Variants in PKNOX2 observed in about 807,000 individuals in gnomAD.
The protein encoded by PKNOX2 is homeobox protein PKNOX2.
Under a neutral mutation model 53.1 loss-of-function variants are expected in PKNOX2, and 14 were observed. The ratio of observed to expected loss-of-function variants is 0.26; its 90% CI spans 0.17 to 0.41. PKNOX2 has a LOEUF of 0.41. Ranked by LOEUF, PKNOX2 falls within the 10% of genes least tolerant of loss-of-function variation. The pLI is 1.00. For synonymous variants in PKNOX2, 257 were observed against 242.8 expected (o/e 1.06, Z -0.54); for missense variants, 496 against 602.8 (o/e 0.82, Z 1.85).
At chr11:125,204,768 C>T (rs961634469) in intron 1 of PKNOX2, among the ~76,000 whole-genome samples, 6 of 152,172 alleles carry the variant, frequency 3.9e-5, no homozygotes, top group Non-Finnish European at 5.9e-5. Context: ...CCTTTTCTCC[C>T]GCTGTGATCC....
At chr11:125,255,391 G>A (rs766561378) in intron 2 of PKNOX2, among the ~76,000 whole-genome samples, 2 of 152,158 alleles carry the variant, frequency 1.3e-5, no homozygotes, top group African/African-American at 2.4e-5. Context: ...GCCCACCCCC[G>A]GGATGAGACT....
At chr11:125,315,390 G>T (rs1398770889) in intron 2 of PKNOX2, among the ~76,000 whole-genome samples, 1 of 151,588 alleles carries the variant, frequency 6.6e-6, no homozygotes, top group East Asian at 1.9e-4. Context: ...CTGGTGGGCG[G>T]CTCTGCCTCC....
At chr11:125,428,450 G>T in intron 10 of PKNOX2, among the ~76,000 whole-genome samples, 1 of 152,252 alleles carries the variant, frequency 6.6e-6, no homozygotes, top group South Asian at 2.1e-4. Flanking sequence ...TAAATAAAAT[G>T]ATGATTTTTT....
intron 1 of PKNOX2, among the ~76,000 whole-genome samples, chr11:125,199,434 A>G (rs1421889354): frequency 6.6e-6 from 1 of 152,216 alleles, no homozygotes; most frequent in Non-Finnish European, 1.5e-5. Flanking sequence ...CTAATTAAAT[A>G]TATTATCCAT....
intron 2 of PKNOX2, among the ~76,000 whole-genome samples, chr11:125,312,485 C>T (rs578039982): frequency 6.6e-6 from 1 of 152,272 alleles, no homozygotes; most frequent in Admixed American, 6.5e-5. Context: ...CCTGCTGTGC[C>T]CCAGGAGAGC....
chr11:125,206,042 G>A (rs1400263022), intron 1 of PKNOX2, among the ~76,000 whole-genome samples: 3 of 151,950 alleles, frequency 2.0e-5, no homozygotes, highest in Admixed American at 2.0e-4. Context: ...TGAAATGACC[G>A]GGGCCTTGGT....
At chr11:125,303,406 T>C (rs1287900866) in intron 2 of PKNOX2, among the ~76,000 whole-genome samples, 1 of 151,980 alleles carries the variant, frequency 6.6e-6, no homozygotes, top group African/African-American at 2.4e-5. Context: ...TCCAAGCTTC[T>C]GGTCACAGCC....
intron 2 of PKNOX2, among the ~76,000 whole-genome samples, chr11:125,324,103 T>C (rs963046018): frequency 6.6e-6 from 1 of 152,100 alleles, no homozygotes; most frequent in Admixed American, 6.6e-5. Flanking sequence ...CACCAAATGA[T>C]GAGAAGAAGA....
At chr11:125,197,789 G>A (rs912276691) in intron 1 of PKNOX2, among the ~76,000 whole-genome samples, 2 of 152,172 alleles carry the variant, frequency 1.3e-5, no homozygotes, top group African/African-American at 2.4e-5. Flanking sequence ...CAGAGCTGGT[G>A]GGACTCCTGG....
intron 5 of PKNOX2, among the ~76,000 whole-genome samples, chr11:125,373,532 G>A (rs1388836869): frequency 6.6e-6 from 1 of 152,240 alleles, no homozygotes; most frequent in Non-Finnish European, 1.5e-5. Flanking sequence ...CACAGGTAAT[G>A]TGCTTGGTAA....
intron 2 of PKNOX2, among the ~76,000 whole-genome samples, chr11:125,277,391 T>G (rs1390868407): frequency 6.6e-6 from 1 of 152,148 alleles, no homozygotes; most frequent in Admixed American, 6.5e-5. Context: ...GCAACCCAAA[T>G]GCTAAAATCA....
chr11:125,287,431 G>C (rs936152100), intron 2 of PKNOX2, among the ~76,000 whole-genome samples: 12 of 152,210 alleles, frequency 7.9e-5, no homozygotes, highest in African/African-American at 2.9e-4. Flanking sequence ...CTGCAACCTG[G>C]GGAAAGGGCG....
At chr11:125,326,380 G>T (rs544588984) in intron 2 of PKNOX2, among the ~76,000 whole-genome samples, 1 of 152,320 alleles carries the variant, frequency 6.6e-6, no homozygotes, top group South Asian at 2.1e-4. Flanking sequence ...CTGTGAGGCA[G>T]TGGCAGCCTG....
chr11:125,262,132 C>T (rs531130750), intron 2 of PKNOX2, among the ~76,000 whole-genome samples: 1 of 152,298 alleles, frequency 6.6e-6, no homozygotes, highest in Non-Finnish European at 1.5e-5. Flanking sequence ...CCCACCTGCT[C>T]ACAAGACGCC....
intron 1 of PKNOX2, among the ~76,000 whole-genome samples, chr11:125,217,753 G>A (rs1047619661): frequency 1.3e-5 from 2 of 152,174 alleles, no homozygotes; most frequent in Non-Finnish European, 2.9e-5. Context: ...GAGCCTAGGA[G>A]GGGGAATATT....
rs1446216670 is a variant in PKNOX2 at position 125,240,767 on chromosome 11, C to T, written c.-130+5652C>T. On this transcript the variant is annotated intron_variant, in intron 2 of 12. Transcript: ENST00000298282. This position sits in a 1 kb window ranked among gnomAD's most constrained non-coding sequence, Gnocchi z 4.3. The stretch of plus-strand genomic sequence containing the variant: ...CTGAAGGGTTTCCAAGTGCTGCTCC[C>T]AGTATCCTTGGCTGTGGGGGGACTA... Among the ~76,000 whole-genome samples, 4 of 152,330 alleles carry T rather than the reference C, an allele frequency of 2.6e-5. No individual in the cohort carries two copies. Among genetic ancestry groups the T allele is most frequent in the African/African-American group, 9.6e-5 (4 of 41,574 alleles).
chr11:125,296,756 C>T (rs1284199277), intron 2 of PKNOX2, among the ~76,000 whole-genome samples: 1 of 152,180 alleles, frequency 6.6e-6, no homozygotes, highest in South Asian at 2.1e-4. Flanking sequence ...CTGCTTCAGC[C>T]TCCCAAGTAG....
chr11:125,263,902 G>A (rs1945091836), intron 2 of PKNOX2, among the ~76,000 whole-genome samples: 1 of 152,218 alleles, frequency 6.6e-6, no homozygotes, highest in Admixed American at 6.5e-5. Context: ...TCCTGGAATG[G>A]CGTATAAGGG....
chr11:125,191,780 C>G (rs760448458), intron 1 of PKNOX2, among the ~76,000 whole-genome samples: 1 of 152,140 alleles, frequency 6.6e-6, no homozygotes. Flanking sequence ...TGTGATGAAA[C>G]CTGACTGCAC....
Sources: gnomAD v4.1 joint callset for allele counts (sites outside exome capture counted in the v4.1 genomes callset) on GRCh38, gnomAD v4.1.1 for gene constraint, Gnocchi (gnomAD v3.1) non-coding constraint, MANE v1.5 for transcripts, NCBI Gene and HGNC (gene_info 2026-07-23, HGNC 2026-07-21) for gene names.